Variants in PODXL observed in about 807,000 individuals in gnomAD.
PODXL encodes the protein podocalyxin like, also known as podocalyxin.
A neutral mutation model predicts 48.9 loss-of-function variants in PODXL; 20 were observed. That is an observed-to-expected ratio of 0.41 (90% confidence interval 0.29 to 0.59). PODXL has a LOEUF of 0.59. Ranked by LOEUF, PODXL falls within the 20% of genes least tolerant of loss-of-function variation. The pLI, the probability that PODXL is intolerant of heterozygous loss-of-function variation, is 0.31. For synonymous variants in PODXL, 295 were observed against 287.4 expected, an observed-to-expected ratio of 1.03 and a Z score of -0.27; for missense variants, 606 against 675.1, an observed-to-expected ratio of 0.90 and a Z score of 1.13.
At chr7:131,510,403 C>T (rs73490866) in intron 2 of PODXL, 72 bp from the exon 3 acceptor site, 125,866 of 257,366 alleles carry the variant, frequency 0.49, 32,004 homozygotes, top group East Asian at 0.86. Flanking sequence ...CCCAGCTACT[C>T]GGGAGGCTGA....
chr7:131,513,027 CAGA>C (rs1459270397), intron 1 of PODXL, among the ~76,000 whole-genome samples: 7 of 149,578 alleles, frequency 4.7e-5, no homozygotes, highest in Admixed American at 4.0e-4. Flanking sequence ...ACATCCTACG[CAGA>C]AGAAGGAGAC....
chr7:131,524,408 A>AG (rs367857912), intron 1 of PODXL, among the ~76,000 whole-genome samples: 8,406 of 149,632 alleles, frequency 0.056, 355 homozygotes, highest in Non-Finnish European at 0.08. Context: ...AGAGAGAGAG[A>AG]AAACAACAAG....
intron 1 of PODXL, among the ~76,000 whole-genome samples, chr7:131,536,421 C>T (rs557020365): frequency 4.3e-4 from 66 of 152,234 alleles, no homozygotes; most frequent in Middle Eastern, 3.4e-3. Flanking sequence ...GGAGGGACCA[C>T]GACTGTTTCT....
At chr7:131,545,543 G>A (rs1317902934) in intron 1 of PODXL, among the ~76,000 whole-genome samples, 2 of 152,138 alleles carry the variant, frequency 1.3e-5, no homozygotes, top group African/African-American at 4.8e-5. Flanking sequence ...GGGGAAACAT[G>A]AGTGTTTCAC....
chr7:131,533,517 C>T (rs2116839630), intron 1 of PODXL, among the ~76,000 whole-genome samples: 1 of 152,342 alleles, frequency 6.6e-6, no homozygotes, highest in East Asian at 1.9e-4. Context: ...AGGGCTGCCA[C>T]TGTCTAGCGT....
At chr7:131,530,736 C>T (rs569013972) in intron 1 of PODXL, among the ~76,000 whole-genome samples, 2 of 135,940 alleles carry the variant, frequency 1.5e-5, no homozygotes, top group African/African-American at 5.6e-5. Flanking sequence ...CCAGCCTGGG[C>T]AATGGGGAAA....
chr7:131,516,071 G>A (rs1000256155), intron 1 of PODXL, among the ~76,000 whole-genome samples: 2 of 152,228 alleles, frequency 1.3e-5, no homozygotes, highest in Non-Finnish European at 2.9e-5. Context: ...ACATCAGGCT[G>A]AATTACCCAG....
At chr7:131,517,431 A>G (rs1798017823) in intron 1 of PODXL, among the ~76,000 whole-genome samples, 1 of 152,240 alleles carries the variant, frequency 6.6e-6, no homozygotes, top group African/African-American at 2.4e-5. Flanking sequence ...ACAACGATAG[A>G]GAACGCAGCC....
intron 1 of PODXL, among the ~76,000 whole-genome samples, chr7:131,522,601 C>T (rs1309651854): frequency 6.6e-6 from 1 of 152,166 alleles, no homozygotes; most frequent in African/African-American, 2.4e-5. Flanking sequence ...ATAGCAACAA[C>T]AAATTGTGAA....
intron 1 of PODXL, among the ~76,000 whole-genome samples, chr7:131,532,379 T>C (rs1814291): frequency 0.85 from 125,425 of 148,376 alleles, 53,485 homozygotes; most frequent in Admixed American, 0.91. Flanking sequence ...GAGCTGGCAG[T>C]GAGCTGAGAT....
chr7:131,548,975 C>T (rs907106066), intron 1 of PODXL, among the ~76,000 whole-genome samples: 1 of 152,238 alleles, frequency 6.6e-6, no homozygotes, highest in African/African-American at 2.4e-5. Context: ...ATTTATGGAA[C>T]AGCTACTTTG....
At position 131,556,351 on chromosome 7, in the gene PODXL, G is replaced by A. The variant is rs1343845287; in HGVS notation, c.9C>T (p.Cys3=). Residue 3 remains cysteine (C), a synonymous_variant, in exon 1 of 9, where the codon TGC becomes TGT. Transcript: ENST00000378555. ...GCAGCAGCGCCGAGAGCGCCAGCGC[G>A]CAGCGCATCGTGTCGTCGCCTCTGG... The part of the protein sequence containing the change: MR[C]ALALSALLLL... The A allele has an allele frequency of 1.4e-6, 2 of 1,440,758 alleles. No homozygotes were observed. The highest frequency in any genetic ancestry group is 1.8e-6 in the Non-Finnish European group (2 of 1,097,646). The allele number at this position is 1,440,758 out of a possible 1,614,324, so 89.2% of individuals were successfully genotyped here. A position where few individuals can be genotyped will look rare whatever the true frequency, so the allele number is the denominator to read the frequency against.
At chr7:131,546,507 C>T (rs560964236) in intron 1 of PODXL, among the ~76,000 whole-genome samples, 1 of 152,108 alleles carries the variant, frequency 6.6e-6, no homozygotes, top group South Asian at 2.1e-4. Context: ...GGGCGGATCA[C>T]TTGAGGCCGG....
rs200194414 is a variant in PODXL, at chr7:131,504,528, C to T, written c.1480-20G>A. 3.5e-4 allele frequency: 570 copies of T among 1,610,142 alleles called. 1 individual carries two copies. The highest frequency in any genetic ancestry group is 7.3e-4 in the Admixed American group (44 of 60,010). ...CCGCTGCTAGAGTGGGGAAGGTGAC[C>T]GGTGAGAAGGGGGTTTCAGAGGGCT... On this transcript the variant is annotated intron_variant, in intron 8 of 8. Coordinates refer to ENST00000378555, the MANE Select transcript of PODXL (RefSeq NM_001018111.3).
At chr7:131,504,547 G>A in intron 8 of PODXL, 39 bp from the exon 9 acceptor site, 1 of 1,562,362 alleles carries the variant, frequency 6.4e-7, no homozygotes, top group Non-Finnish European at 8.8e-7. Flanking sequence ...GGGGGTTTCA[G>A]AGGGCTCTGA....
At chr7:131,540,119 T>G (rs1415127032) in intron 1 of PODXL, among the ~76,000 whole-genome samples, 1 of 152,224 alleles carries the variant, frequency 6.6e-6, no homozygotes. Flanking sequence ...CACGGCTCAC[T>G]GCAGCTTCAA....
At chr7:131,539,749 A>T (rs1254495676) in intron 1 of PODXL, among the ~76,000 whole-genome samples, 3 of 152,164 alleles carry the variant, frequency 2.0e-5, no homozygotes, top group Non-Finnish European at 4.4e-5. Flanking sequence ...TGAGCAGGAG[A>T]CAGGAACGTC....
intron 1 of PODXL, among the ~76,000 whole-genome samples, chr7:131,550,102 G>A (rs186020552): frequency 2.6e-5 from 4 of 152,340 alleles, no homozygotes; most frequent in South Asian, 2.1e-4. Flanking sequence ...CAATTATCCC[G>A]CAAACATTTC....
intron 1 of PODXL, among the ~76,000 whole-genome samples, chr7:131,518,490 C>CT (rs113103658): frequency 0.012 from 1,799 of 152,216 alleles, 33 homozygotes; most frequent in African/African-American, 0.041. Flanking sequence ...TGGATACTGG[C>CT]TTTTATTGGG....
Sources: gnomAD v4.1 joint callset for allele counts (sites outside exome capture counted in the v4.1 genomes callset) on GRCh38, gnomAD v4.1.1 for gene constraint, MANE v1.5 for transcripts, NCBI Gene and HGNC (gene_info 2026-07-23, HGNC 2026-07-21) for gene names.